Variants in UBE2W observed in about 807,000 individuals in gnomAD.
UBE2W encodes ubiquitin conjugating enzyme E2 W.
A neutral mutation model predicts 27.2 loss-of-function variants in UBE2W; 18 were observed. The ratio of observed to expected loss-of-function variants is 0.66; its 90% CI spans 0.46 to 0.98. The LOEUF is 0.98. Among genes scored for constraint, UBE2W ranks in the 50% least tolerant of loss-of-function variants. The pLI is 0.00. For missense variants in UBE2W, 90 were observed against 180.2 expected (o/e 0.50, Z 2.87); for synonymous variants, 53 against 57.2 (o/e 0.93, Z 0.33).
intron 5 of UBE2W, among the ~76,000 whole-genome samples, chr8:73,795,630 G>A (rs996550977): frequency 6.6e-6 from 1 of 152,198 alleles, no homozygotes; most frequent in Admixed American, 6.5e-5. Context: ...TGACTTCTAA[G>A]CTGGGCAAAC....
rs1808202390 is a variant in UBE2W at position 73,791,593 on chromosome 8, G to A, written c.*2509C>T. 2.0e-6 allele frequency: 2 copies of A among 984,928 alleles called. No homozygotes were observed. Among genetic ancestry groups the A allele is most frequent in the Admixed American group, 6.2e-5 (1 of 16,228 alleles). 61.0% of individuals were successfully genotyped at this position (984,928 alleles called of 1,614,324 possible). A position where few individuals can be genotyped will look rare whatever the true frequency, so the allele number is the denominator to read the frequency against. On this transcript the variant is annotated 3_prime_UTR_variant, in exon 6 of 6. Coordinates refer to ENST00000602593, the MANE Select transcript of UBE2W (RefSeq NM_018299.6). ...TTTTTATTATTACAAGCCATTAATT[G>A]CTCTCTGTAGAGCAATGACTCAGAT...
At chr8:73,825,056 T>A in intron 3 of UBE2W, 91 bp downstream of exon 3, 1 of 740,668 alleles carries the variant, frequency 1.4e-6, no homozygotes, top group Non-Finnish European at 2.2e-6. Flanking sequence ...TACATACGTA[T>A]AACTGATTTA....
chr8:73,805,472 C>CAAAAAAAAAAAAAAACAA, intron 5 of UBE2W, among the ~76,000 whole-genome samples, 179 bp downstream of exon 5: 1 of 43,676 alleles, frequency 2.3e-5, no homozygotes, highest in African/African-American at 6.0e-5. Flanking sequence ...AAAAAAAAAA[C>CAAAAAAAAAAAAAAACAA]AAAAAAAACT....
chr8:73,791,078 C>T lies in UBE2W; in HGVS notation c.*3024G>A. The T allele has an allele frequency of 1.5e-5, 15 of 984,956 alleles. No individual in the cohort carries two copies. Among genetic ancestry groups the T allele is most frequent in the Non-Finnish European group, 1.7e-5 (14 of 829,606 alleles). The allele number at this position is 984,956 out of a possible 1,614,324, so 61.0% of individuals were successfully genotyped here. A position where few individuals can be genotyped will look rare whatever the true frequency, so the allele number is the denominator to read the frequency against. ...ATATAGAAGCTATTTCCAGCACTTTCTTCTGGGGATTAAAAATGATTTATT... is the reference window on the plus strand; with the variant it reads ...ATATAGAAGCTATTTCCAGCACTTTTTTCTGGGGATTAAAAATGATTTATT... On this transcript the variant is annotated 3_prime_UTR_variant, in exon 6 of 6. Transcript: ENST00000602593.
chr8:73,811,977 T>A (rs911311679), intron 3 of UBE2W, among the ~76,000 whole-genome samples: 2 of 152,108 alleles, frequency 1.3e-5, no homozygotes, highest in Non-Finnish European at 2.9e-5. Context: ...TATCTAGCTA[T>A]GAATCTGATT....
At chr8:73,846,633 G>A (rs1810812836) in intron 1 of UBE2W, among the ~76,000 whole-genome samples, 1 of 152,024 alleles carries the variant, frequency 6.6e-6, no homozygotes, top group South Asian at 2.1e-4. Flanking sequence ...AAAAATTTTT[G>A]GTTTTTAGAT....
rs551671008 is a variant in UBE2W, at chr8:73,837,372, G to A, written c.16-6900C>T. Among the ~76,000 whole-genome samples the A allele has an allele frequency of 3.1e-3, 477 of 152,200 alleles. 1 individual carries two copies. Among genetic ancestry groups the A allele is most frequent in the Non-Finnish European group, 5.1e-3 (346 of 68,018 alleles). Reference sequence around the variant, plus strand: ...TACTAAAAACATAAAAATTAGCCAGGCGTGGTGGTAAGTGTCTGTAATCCC... The same window carrying A: ...TACTAAAAACATAAAAATTAGCCAGACGTGGTGGTAAGTGTCTGTAATCCC... On this transcript the variant is annotated intron_variant, in intron 1 of 5. Transcript: ENST00000602593.
intron 3 of UBE2W, among the ~76,000 whole-genome samples, chr8:73,812,910 C>G (rs1809213183): frequency 6.6e-6 from 1 of 150,676 alleles, no homozygotes; most frequent in African/African-American, 2.4e-5. Flanking sequence ...GAGGCTGAGG[C>G]AGGAGAATTG....
At chr8:73,826,182 C>T (rs1225540870) in intron 2 of UBE2W, among the ~76,000 whole-genome samples, 3 of 152,132 alleles carry the variant, frequency 2.0e-5, no homozygotes, top group African/African-American at 7.2e-5. Context: ...ATTTCTATGC[C>T]ATCTATGCAA....
chr8:73,810,324 T>C (rs1809102440), intron 4 of UBE2W, 150 bp downstream of exon 4: 3 of 803,590 alleles, frequency 3.7e-6, no homozygotes, highest in African/African-American at 3.6e-5. Context: ...AAAATAACTT[T>C]CCAATTTATT....
At position 73,830,318 on chromosome 8, in the gene UBE2W, C is replaced by T. The variant is rs780104723; in HGVS notation, c.107+63G>A. The T allele has an allele frequency of 3.0e-5, 35 of 1,183,034 alleles. 1 individual carries two copies. Among genetic ancestry groups the T allele is most frequent in the African/African-American group, 6.2e-5 (4 of 64,814 alleles). 73.3% of individuals were successfully genotyped at this position (1,183,034 alleles called of 1,614,324 possible). On this transcript the variant is annotated intron_variant, in intron 2 of 5. Transcript: ENST00000602593. ...AAAATAATTTTGTAGTTTTAAAAAGCGGGTGAACATTCATACATTATTGGT... is the reference window on the plus strand; with the variant it reads ...AAAATAATTTTGTAGTTTTAAAAAGTGGGTGAACATTCATACATTATTGGT...
intron 1 of UBE2W, among the ~76,000 whole-genome samples, chr8:73,846,783 C>T (rs950917231): frequency 6.6e-6 from 1 of 152,054 alleles, no homozygotes; most frequent in Non-Finnish European, 1.5e-5. Flanking sequence ...ATTTTAAGGT[C>T]GTAGTGTTTA....
At chr8:73,868,348 C>A (rs148905918) in intron 1 of UBE2W, among the ~76,000 whole-genome samples, 2 of 152,160 alleles carry the variant, frequency 1.3e-5, no homozygotes, top group Non-Finnish European at 2.9e-5. Flanking sequence ...ACATACCCCA[C>A]GGGGCCAAAG....
chr8:73,870,119 TA>T, intron 1 of UBE2W: 4 of 823,522 alleles, frequency 4.9e-6, no homozygotes, highest in Non-Finnish European at 3.9e-6. Context: ...CTGTATACTT[TA>T]AAAGGGTAAG....
intron 1 of UBE2W, among the ~76,000 whole-genome samples, chr8:73,875,522 C>T (rs1200206998): frequency 7.0e-6 from 1 of 142,870 alleles, no homozygotes; most frequent in Non-Finnish European, 1.5e-5. Context: ...TCCCATGTTA[C>T]ATTTGTATAA....
chr8:73,874,954 C>T (rs555868284), intron 1 of UBE2W, among the ~76,000 whole-genome samples: 7 of 152,244 alleles, frequency 4.6e-5, no homozygotes, highest in African/African-American at 1.7e-4. Context: ...GAAAAGATCA[C>T]TTGAGCCCAG....
At chr8:73,837,521 A>C (rs1181155233) in intron 1 of UBE2W, among the ~76,000 whole-genome samples, 4 of 152,200 alleles carry the variant, frequency 2.6e-5, no homozygotes, top group Non-Finnish European at 4.4e-5. Flanking sequence ...CTTAAAAAAA[A>C]AAAAATTATG....
Position 73,791,326 on chromosome 8 carries a change from C to T in UBE2W, c.*2776G>A, listed in dbSNP as rs1292611765. The T allele has an allele frequency of 4.1e-6, 4 of 979,218 alleles. No individual in the cohort carries two copies. Among genetic ancestry groups the T allele is most frequent in the South Asian group, 4.7e-5 (1 of 21,206 alleles). 60.7% of individuals were successfully genotyped at this position (979,218 alleles called of 1,614,324 possible). A position where few individuals can be genotyped will look rare whatever the true frequency, so the allele number is the denominator to read the frequency against. Reference sequence around the variant, plus strand: ...ATCTAAGCATGCATAAATAAGGAAGCAAATGTATCACTGTCTTAATAGAAT... The same window carrying T: ...ATCTAAGCATGCATAAATAAGGAAGTAAATGTATCACTGTCTTAATAGAAT... On this transcript the variant is annotated 3_prime_UTR_variant, in exon 6 of 6. Coordinates refer to ENST00000602593, the MANE Select transcript of UBE2W (RefSeq NM_018299.6).
At chr8:73,831,103 CT>C in intron 1 of UBE2W, 1 of 311,404 alleles carries the variant, frequency 3.2e-6, no homozygotes, top group Admixed American at 4.9e-5. Flanking sequence ...TTATAATATT[CT>C]TTCCTATAAA....
Sources: gnomAD v4.1 joint callset for allele counts (sites outside exome capture counted in the v4.1 genomes callset) on GRCh38, gnomAD v4.1.1 for gene constraint, MANE v1.5 for transcripts, NCBI Gene and HGNC (gene_info 2026-07-23, HGNC 2026-07-21) for gene names.